The following TTC39A variants were observed in gnomAD, a reference collection of about 807,000 sequenced individuals.
TTC39A encodes tetratricopeptide repeat domain 39A, also known as tetratricopeptide repeat protein 39A.
TTC39A carries 46 observed loss-of-function variants against 82.3 expected under a neutral mutation model. The ratio of observed to expected loss-of-function variants is 0.56; its 90% CI spans 0.44 to 0.71. TTC39A has a LOEUF of 0.71. Ranked by LOEUF, TTC39A falls within the 30% of genes least tolerant of loss-of-function variation. TTC39A has a pLI of 0.00. For synonymous variants in TTC39A, 254 were observed against 275.2 expected, an observed-to-expected ratio of 0.92 and a Z score of 0.76; for missense variants, 543 against 712.9, an observed-to-expected ratio of 0.76 and a Z score of 2.71.
intron 13 of TTC39A, 25 bp downstream of exon 13, chr1:51,296,054 A>G (rs1246764366): frequency 6.4e-7 from 1 of 1,558,094 alleles, no homozygotes; most frequent in African/African-American, 1.4e-5. Flanking sequence ...TGGCCTACAC[A>G]GTGGGAGCAC....
rs542716453 is a variant in TTC39A, at chr1:51,307,218, G to A, written c.489-1142C>T. On this transcript the variant is annotated intron_variant, in intron 6 of 17. Transcript: ENST00000680483. ...AGAGGAGCCTTGGGAGTTGGCAAGG[G>A]GTGGCCTGACAAGGTGTGTGCTTTG... Among the ~76,000 whole-genome samples, 5 of 152,248 alleles carry A rather than the reference G, an allele frequency of 3.3e-5. No homozygotes were observed. The South Asian group carries it at 1.0e-3, about 32-fold the overall frequency.
chr1:51,301,713 C>G lies in TTC39A; in HGVS notation c.912G>C (p.Glu304Asp). The change falls in exon 12 of 18, where the codon GAG becomes GAC. Residue 304 changes from glutamate to aspartate, a missense_variant. Transcript: ENST00000680483. ...TCCAGTGCTGCTGGGCCTCACAGCA[C>G]TCCTCGAAACGCCGGATGGCCTGCA... ...NIDAAIRRFE[E>D]CCEAQQHWKQ... The G allele has an allele frequency of 6.2e-7, 1 of 1,608,344 alleles. No individual in the cohort carries two copies. The highest frequency in any genetic ancestry group is 8.5e-7 in the Non-Finnish European group (1 of 1,175,554).
intron 12 of TTC39A, chr1:51,298,920 T>A (rs963814798): frequency 6.6e-6 from 1 of 152,286 alleles, no homozygotes; most frequent in Non-Finnish European, 1.5e-5. Flanking sequence ...TTTCTGGCCA[T>A]CTCAGCCTCT....
rs570235114 is a variant in TTC39A, at chr1:51,318,193, C to T, written c.146+3528G>A. Among the ~76,000 whole-genome samples the T allele has an allele frequency of 9.2e-5, 14 of 152,210 alleles. No homozygotes were observed. The East Asian group carries it at 9.6e-4, about 10-fold the overall frequency. ...TGTGTCTGTGCTTGGGGTGTGGGAC[C>T]GGCTGAGCAGCTGTGTCCTGGGCAG... is the stretch of plus-strand genomic sequence containing the variant. On this transcript the variant is annotated intron_variant, in intron 2 of 17. Transcript: ENST00000680483.
At chr1:51,344,751 C>A (rs954771813) in intron 1 of TTC39A, among the ~76,000 whole-genome samples, 1 of 152,240 alleles carries the variant, frequency 6.6e-6, no homozygotes, top group Non-Finnish European at 1.5e-5. Context: ...CGACACTGAG[C>A]GGCGCTCAGG....
chr1:51,333,879 C>G (rs2148317330), upstream of TTC39A, among the ~76,000 whole-genome samples: 1 of 152,322 alleles, frequency 6.6e-6, no homozygotes, highest in Middle Eastern at 3.4e-3. Flanking sequence ...CAATTTCCCT[C>G]TGAGGTTATT....
At position 51,330,031 on chromosome 1, in the gene TTC39A, A is replaced by G. The variant is rs1351433232; in HGVS notation, c.41+406T>C. ...GAACTGAGTTCAAATCCCACCCGCAACTCTTACCTCCTGGGTGACCGATGA... is the reference window on the plus strand; with the variant it reads ...GAACTGAGTTCAAATCCCACCCGCAGCTCTTACCTCCTGGGTGACCGATGA... On this transcript the variant is annotated intron_variant, in intron 1 of 17. Transcript: ENST00000680483. This position sits in a 1 kb window ranked among gnomAD's most constrained non-coding sequence, Gnocchi z 4.5. 1.6e-6 allele frequency: 1 copy of G among 642,302 alleles called. No individual in the cohort carries two copies. Among genetic ancestry groups the G allele is most frequent in the Admixed American group, 6.3e-5 (1 of 15,806 alleles). 39.8% of individuals were successfully genotyped at this position (642,302 alleles called of 1,614,324 possible). A position where few individuals can be genotyped will look rare whatever the true frequency, so the allele number is the denominator to read the frequency against.
intron 5 of TTC39A, 53 bp from the exon 6 acceptor site, chr1:51,309,378 TGA>T (rs776432123): frequency 1.2e-6 from 2 of 1,611,738 alleles, no homozygotes; most frequent in South Asian, 2.2e-5. Flanking sequence ...GCTGCAGGCG[TGA>T]GAGGGATCAT....
rs752999207 is a variant in TTC39A at position 51,294,402 on chromosome 1, C to G, written c.1255G>C (p.Val419Leu). The G allele has an allele frequency of 6.2e-7, 1 of 1,614,026 alleles. No homozygotes were observed. The highest frequency in any genetic ancestry group is 1.7e-5 in the Admixed American group (1 of 60,028). Reference protein sequence around the residue: ...YFSSNPISLPVPALEMMYIWN... With the variant: ...YFSSNPISLPLPALEMMYIWN... ...GACCTCCTACCCACCAGAGCAGGCA[C>G]TGGCAGCGAGATAGGGTTGGAGGAG... Residue 419 changes from valine to leucine, a missense_variant, in exon 14 of 18, where the codon GTG (valine) becomes CTG (leucine). Val to Leu is a conservative substitution (Grantham distance 32, BLOSUM62 1). Coordinates refer to ENST00000680483, the MANE Select transcript of TTC39A (RefSeq NM_001297663.2). The surrounding 1 kb of genome is among the most constrained non-coding windows in gnomAD (Gnocchi z 4.3).
In TTC39A at chr1:51,311,302, G is replaced by T; in HGVS notation, c.375C>A (p.Val125=). 1 of 1,583,984 alleles carries T rather than the reference G, an allele frequency of 6.3e-7. No homozygotes were observed. Among genetic ancestry groups the T allele is most frequent in the East Asian group, 2.3e-5 (1 of 43,504 alleles). Residue 125 remains valine, a synonymous_variant, in exon 5 of 18, where the codon GTC becomes GTA. Transcript: ENST00000680483. Reference sequence around the variant, plus strand: ...GCTGCAGCAGGCACTCTGCATAGCAGACCTCAGCGTGGATTTCCTCTGTGG... The same window carrying T: ...GCTGCAGCAGGCACTCTGCATAGCATACCTCAGCGTGGATTTCCTCTGTGG... The part of the protein sequence containing the change: ...QFTEEEIHAE[V]CYAECLLQRA...
rs563443461 is a variant in TTC39A at position 51,338,902 on chromosome 1, C to T, written c.53+6089G>A. 5.3e-5 allele frequency among the ~76,000 whole-genome samples: 8 copies of T among 152,304 alleles called. No individual in the cohort carries two copies. In the South Asian group the frequency reaches 1.7e-3, roughly 32 times the overall value. On this transcript the variant is annotated intron_variant, in intron 1 of 5. Coordinates refer to the TTC39A transcript ENST00000401051. ...ACAGGTGTGAGCCACTACACCCAGC[C>T]TGATTTATCCTCCTTTGAGTGGCCT...
chr1:51,324,125 G>T lies in TTC39A; in HGVS notation c.42-2300C>A, dbSNP rs189037872. 8.4e-4 allele frequency among the ~76,000 whole-genome samples: 128 copies of T among 152,300 alleles called. 1 individual carries two copies. Among genetic ancestry groups the T allele is most frequent in the African/African-American group, 2.9e-3 (120 of 41,554 alleles). ...GTAGTGGTGTGCCATCAAACCCAAAGTTTGTGTGATGGCAGACCAGTATTT... is the reference window on the plus strand; with the variant it reads ...GTAGTGGTGTGCCATCAAACCCAAATTTTGTGTGATGGCAGACCAGTATTT... On this transcript the variant is annotated intron_variant, in intron 1 of 17. Coordinates refer to ENST00000680483, the MANE Select transcript of TTC39A (RefSeq NM_001297663.2).
At chr1:51,327,650 C>T (rs1036398676) in intron 1 of TTC39A, among the ~76,000 whole-genome samples, 1 of 151,714 alleles carries the variant, frequency 6.6e-6, no homozygotes, top group African/African-American at 2.4e-5. Flanking sequence ...CACAAGAGTA[C>T]TCAGAAAATG....
intron 1 of TTC39A, chr1:51,329,870 T>C (rs538051836): frequency 1.3e-5 from 2 of 152,568 alleles, no homozygotes; most frequent in African/African-American, 4.8e-5. Context: ...GAGAGCCACG[T>C]TGAAGGTGAC....
chr1:51,291,492 A>C (rs972479723), intron 14 of TTC39A, among the ~76,000 whole-genome samples: 2 of 151,032 alleles, frequency 1.3e-5, no homozygotes, highest in Non-Finnish European at 3.0e-5. Flanking sequence ...GTCTCAAAAA[A>C]AAAGTCTTGG....
intron 14 of TTC39A, among the ~76,000 whole-genome samples, chr1:51,292,332 A>C (rs1644254445): frequency 6.6e-6 from 1 of 152,366 alleles, no homozygotes; most frequent in Non-Finnish European, 1.5e-5. Context: ...CTAGAAAGAC[A>C]TTATTGTTGT....
Position 51,296,061 on chromosome 1 carries a change from G to C in TTC39A, c.1145+18C>G. On this transcript the variant is annotated intron_variant, in intron 13 of 17. Transcript: ENST00000680483. ...GGTGGGAGTGGCCTACACAGTGGGA[G>C]CACGATGTGGGACCCACCGAAATAA... The C allele has an allele frequency of 1.3e-6, 2 of 1,562,172 alleles. No homozygotes were observed. Among genetic ancestry groups the C allele is most frequent in the Non-Finnish European group, 1.7e-6 (2 of 1,152,652 alleles).
At position 51,287,925 on chromosome 1, in the gene TTC39A, T is replaced by G; in HGVS notation, c.*232A>C. The G allele has an allele frequency of 1.9e-6, 1 of 535,680 alleles. No homozygotes were observed. Among genetic ancestry groups the G allele is most frequent in the South Asian group, 2.9e-5 (1 of 35,016 alleles). 33.2% of individuals were successfully genotyped at this position (535,680 alleles called of 1,614,324 possible). On this transcript the variant is annotated 3_prime_UTR_variant, in exon 18 of 18. Transcript: ENST00000680483. ...ACAGTGAAAAGCAAGTACCCGTATG[T>G]GTGATAGGGCAGGCAGAGGGCTCCA...
In TTC39A at chr1:51,301,850, C is replaced by G. The variant is rs541632657; in HGVS notation, c.892-117G>C. 1,298 of 1,452,158 alleles carry G rather than the reference C, an allele frequency of 8.9e-4. 3 individuals carry two copies. Among genetic ancestry groups the G allele is most frequent in the Non-Finnish European group, 1.1e-3 (1,154 of 1,086,566 alleles). 90.0% of individuals were successfully genotyped at this position (1,452,158 alleles called of 1,614,324 possible). ...ACTCCTCCAGGGCATAGTGGTCCAG[C>G]CCTGTGCTAGGCTCAGGTGGGGCCC... On this transcript the variant is annotated intron_variant, in intron 11 of 17. Coordinates refer to ENST00000680483, the MANE Select transcript of TTC39A (RefSeq NM_001297663.2).
Sources: allele counts gnomAD v4.1 joint callset (sites outside exome capture counted in the v4.1 genomes callset), GRCh38; gene constraint gnomAD v4.1.1; non-coding constraint Gnocchi (gnomAD v3.1); transcripts MANE v1.5; gene names NCBI Gene and HGNC (gene_info 2026-07-23, HGNC 2026-07-21).